CNBD1: variants seen among roughly 807,000 people sequenced by gnomAD.
CNBD1 encodes cyclic nucleotide binding domain containing 1.
A neutral mutation model predicts 54.4 loss-of-function variants in CNBD1; 71 were observed. That is an observed-to-expected ratio of 1.30 (90% CI 1.08 to 1.59). The LOEUF (loss-of-function observed/expected upper bound fraction) is 1.59, where lower values mean the gene tolerates loss of function less well. Among genes scored for constraint, CNBD1 ranks in the 40% most tolerant of loss-of-function variants. The pLI, the probability that CNBD1 is intolerant of heterozygous loss-of-function variation, is 0.00. For synonymous variants in CNBD1, 182 were observed against 170.7 expected (o/e 1.07, Z -0.51); for missense variants, 659 against 518.0 (o/e 1.27, Z -2.64).
intron 4 of CNBD1, among the ~76,000 whole-genome samples, chr8:86,971,250 TG>T (rs1212164578): frequency 1.3e-5 from 2 of 152,060 alleles, no homozygotes; most frequent in Non-Finnish European, 2.9e-5. Flanking sequence ...TACATGGCGG[TG>T]GGTAAGGGGC....
chr8:87,376,202 G>A (rs753988966), intron 10 of CNBD1, among the ~76,000 whole-genome samples: 6 of 151,814 alleles, frequency 4.0e-5, no homozygotes, highest in African/African-American at 7.3e-5. Context: ...AACAACAAAC[G>A]TTTATTTTCC....
chr8:87,124,453 C>A (rs1811952949), intron 4 of CNBD1, among the ~76,000 whole-genome samples: 1 of 151,196 alleles, frequency 6.6e-6, no homozygotes, highest in African/African-American at 2.4e-5. Flanking sequence ...TAATAATTAC[C>A]ACAATAAAGT....
At chr8:87,348,666 A>G (rs527345914) in intron 8 of CNBD1, among the ~76,000 whole-genome samples, 4 of 152,196 alleles carry the variant, frequency 2.6e-5, no homozygotes, top group Non-Finnish European at 5.9e-5. Context: ...GCTGAGGTTT[A>G]TCTTAAAATA....
chr8:87,100,079 GAACAGTGATCTT>G (rs1430948999), intron 4 of CNBD1, among the ~76,000 whole-genome samples: 1 of 152,166 alleles, frequency 6.6e-6, no homozygotes, highest in Non-Finnish European at 1.5e-5. Flanking sequence ...AGGCAAGTGT[GAACAGTGATCTT>G]AAGAGGAATG....
At chr8:86,955,287 A>C (rs1807736027) in intron 4 of CNBD1, among the ~76,000 whole-genome samples, 1 of 152,166 alleles carries the variant, frequency 6.6e-6, no homozygotes, top group Non-Finnish European at 1.5e-5. Context: ...GTGCCCCAAA[A>C]AACATACGTG....
chr8:87,043,461 AC>A (rs1414987625), intron 4 of CNBD1, among the ~76,000 whole-genome samples: 1 of 152,154 alleles, frequency 6.6e-6, no homozygotes, highest in Non-Finnish European at 1.5e-5. Context: ...TTGTCTGTAA[AC>A]CATATATATG....
rs551176120 is a variant in CNBD1 at position 87,406,756 on chromosome 8, G to T, written c.214-21790G>T. Among the ~76,000 whole-genome samples, 9 of 152,110 alleles carry T rather than the reference G, an allele frequency of 5.9e-5. No homozygotes were observed. The South Asian group carries it at 8.3e-4, about 14-fold the overall frequency. ...GCCTCCCAAAATGCTGGGATTACAG[G>T]GGAAAGCCACCGTGCCCGGCCCTCA... is the stretch of plus-strand genomic sequence containing the variant. On this transcript the variant is annotated intron_variant, in intron 2 of 7. Transcript: ENST00000521593.
At chr8:87,350,703 ATG>A (rs1391312982) in intron 8 of CNBD1, among the ~76,000 whole-genome samples, 1 of 152,028 alleles carries the variant, frequency 6.6e-6, no homozygotes, top group Non-Finnish European at 1.5e-5. Flanking sequence ...AAAGTTGTAT[ATG>A]TGTCTTTATA....
chr8:87,084,503 C>A (rs975848754), intron 4 of CNBD1, among the ~76,000 whole-genome samples: 4 of 152,068 alleles, frequency 2.6e-5, no homozygotes, highest in African/African-American at 9.7e-5. Flanking sequence ...TGAAATATGT[C>A]ATCCCATTGT....
chr8:87,057,354 A>G (rs747998397), intron 4 of CNBD1, among the ~76,000 whole-genome samples: 3 of 152,204 alleles, frequency 2.0e-5, no homozygotes, highest in African/African-American at 2.4e-5. Flanking sequence ...TAATAAAACC[A>G]TCAGATCTTG....
intron 2 of CNBD1, among the ~76,000 whole-genome samples, chr8:87,390,281 CA>C (rs1461069450): frequency 6.6e-6 from 1 of 152,024 alleles, no homozygotes; most frequent in Admixed American, 6.6e-5. Flanking sequence ...TTCTGCACAG[CA>C]AAAGAAACTA....
chr8:87,015,786 G>A (rs1343346425), intron 4 of CNBD1, among the ~76,000 whole-genome samples: 1 of 151,870 alleles, frequency 6.6e-6, no homozygotes, highest in Non-Finnish European at 1.5e-5. Flanking sequence ...TTGAGACACA[G>A]ACTAACCAAC....
chr8:87,301,339 T>A, intron 8 of CNBD1, among the ~76,000 whole-genome samples: 1 of 152,198 alleles, frequency 6.6e-6, no homozygotes, highest in African/African-American at 2.4e-5. Flanking sequence ...CTCCTTAATT[T>A]ATTTTATGAA....
intron 8 of CNBD1, among the ~76,000 whole-genome samples, chr8:87,303,528 A>T (rs1220066209): frequency 6.6e-6 from 1 of 152,184 alleles, no homozygotes; most frequent in Non-Finnish European, 1.5e-5. Flanking sequence ...TAAAACCATA[A>T]AAACCCTGGA....
rs147844410 is a variant in CNBD1, at chr8:87,206,163, T to G, written c.577+25T>G. 2.1e-3 allele frequency: 3,158 copies of G among 1,493,322 alleles called. 50 individuals carry two copies. The African/African-American group carries it at 0.04, about 19-fold the overall frequency. The allele number at this position is 1,493,322 out of a possible 1,614,324, so 92.5% of individuals were successfully genotyped here. A position where few individuals can be genotyped will look rare whatever the true frequency, so the allele number is the denominator to read the frequency against. ...GGTAATAGACTAATGTGGGATAAAT[T>G]TGGCGAGATAAAATGCAGGCCACTG... On this transcript the variant is annotated intron_variant, in intron 5 of 10. Transcript: ENST00000518476.
chr8:87,386,842 C>T (rs748038833), downstream of CNBD1, among the ~76,000 whole-genome samples: 3 of 152,122 alleles, frequency 2.0e-5, no homozygotes, highest in Non-Finnish European at 4.4e-5. Flanking sequence ...AAAAAATATT[C>T]AGGGCAGCTA....
intron 2 of CNBD1, among the ~76,000 whole-genome samples, chr8:87,387,917 A>G (rs1383538064): frequency 6.6e-6 from 1 of 152,230 alleles, no homozygotes; most frequent in African/African-American, 2.4e-5. Context: ...CTCAGACCAC[A>G]GTGCAATCAA....
chr8:87,120,654 C>T (rs1302724558), intron 4 of CNBD1, among the ~76,000 whole-genome samples: 1 of 151,690 alleles, frequency 6.6e-6, no homozygotes, highest in Middle Eastern at 3.4e-3. Flanking sequence ...TTAGATTGTT[C>T]GTTTGCCCCA....
chr8:87,365,507 A>T lies in CNBD1; in HGVS notation c.1303+11721A>T, dbSNP rs550900263. Among the ~76,000 whole-genome samples the T allele has an allele frequency of 3.9e-5, 6 of 152,090 alleles. No individual in the cohort carries two copies. In the South Asian group the frequency reaches 1.2e-3, roughly 31 times the overall value. On this transcript the variant is annotated intron_variant, in intron 10 of 10. Transcript: ENST00000518476. ...TTGAATATCATGTTTTCATTTTCAG[A>T]TTTGCTATACTTGAAACCACTTGTT...
Sources: gnomAD v4.1 joint callset for allele counts (sites outside exome capture counted in the v4.1 genomes callset) on GRCh38, gnomAD v4.1.1 for gene constraint, MANE v1.5 for transcripts, NCBI Gene and HGNC (gene_info 2026-07-23, HGNC 2026-07-21) for gene names.